The following FHIT variants were observed in gnomAD, a reference collection of about 807,000 sequenced individuals.
FHIT encodes fragile histidine triad diadenosine triphosphatase, also known as bis(5'-adenosyl)-triphosphatase.
Under a neutral mutation model 17.9 loss-of-function variants are expected in FHIT, and 19 were observed. The ratio of observed to expected loss-of-function variants is 1.06; its 90% CI spans 0.74 to 1.56. The LOEUF (loss-of-function observed/expected upper bound fraction) is 1.56, where lower values mean the gene tolerates loss of function less well. Ranked by LOEUF, FHIT falls within the 40% of genes most tolerant of loss-of-function variation. FHIT has a pLI of 0.00. For missense variants in FHIT, 248 were observed against 189.2 expected (o/e 1.31, Z -1.82); for synonymous variants, 81 against 69.7 (o/e 1.16, Z -0.81).
rs577379707 is a variant in FHIT, at chr3:59,792,041, C to T, written c.349-39720G>A. Among the ~76,000 whole-genome samples, 5 of 81,328 alleles carry T rather than the reference C, an allele frequency of 6.1e-5. No homozygotes were observed. In the East Asian group the frequency reaches 5.1e-3, roughly 83 times the overall value. 53.4% of individuals were successfully genotyped at this position (81,328 alleles called of 152,430 possible). On this transcript the variant is annotated intron_variant, in intron 8 of 9. Coordinates refer to ENST00000492590, the MANE Select transcript of FHIT (RefSeq NM_002012.4). ...TAATCATGGCTATGGTAGTCTATGT[C>T]TTGGTTTTAATCATGGCTATGGTAG... is the stretch of plus-strand genomic sequence containing the variant.
At chr3:60,353,578 T>C (rs943917682) in intron 5 of FHIT, among the ~76,000 whole-genome samples, 4 of 152,150 alleles carry the variant, frequency 2.6e-5, no homozygotes, top group Middle Eastern at 3.2e-3. Context: ...GAATACTGCT[T>C]GGCATAGTAG....
chr3:60,260,748 CA>C (rs1367703915), intron 5 of FHIT, among the ~76,000 whole-genome samples: 2 of 151,998 alleles, frequency 1.3e-5, no homozygotes, highest in African/African-American at 4.8e-5. Flanking sequence ...GAGGTTGACA[CA>C]AGGTGCAAAT....
At chr3:59,760,825 A>G (rs1426331223) in intron 8 of FHIT, among the ~76,000 whole-genome samples, 1 of 142,506 alleles carries the variant, frequency 7.0e-6, no homozygotes, top group Non-Finnish European at 1.5e-5. Flanking sequence ...GCCACCATTT[A>G]GAGGTAATTT....
chr3:59,764,913 C>T (rs965896281), intron 8 of FHIT, among the ~76,000 whole-genome samples: 1 of 64,522 alleles, frequency 1.5e-5, no homozygotes, highest in East Asian at 6.7e-4. Context: ...CACACACACA[C>T]ACACACAGCT....
At chr3:60,477,888 T>C (rs2033425280) in intron 5 of FHIT, among the ~76,000 whole-genome samples, 1 of 152,172 alleles carries the variant, frequency 6.6e-6, no homozygotes. Flanking sequence ...ACCCTGTTCA[T>C]AGTACGAATG....
At chr3:61,050,787 T>A (rs534819907) in intron 2 of FHIT, among the ~76,000 whole-genome samples, 76 of 152,308 alleles carry the variant, frequency 5.0e-4, no homozygotes, top group African/African-American at 1.7e-3. Flanking sequence ...CAAGATACAG[T>A]TTTTTAAGGC....
intron 4 of FHIT, among the ~76,000 whole-genome samples, chr3:60,647,688 T>A (rs1553687122): frequency 6.6e-6 from 1 of 152,208 alleles, no homozygotes; most frequent in South Asian, 2.1e-4. Context: ...GGATAACTCT[T>A]CAAGACTCCC....
chr3:60,660,569 G>A (rs2040216693), intron 4 of FHIT, among the ~76,000 whole-genome samples: 2 of 152,030 alleles, frequency 1.3e-5, no homozygotes, highest in East Asian at 1.9e-4. Flanking sequence ...TAGGTGAGGA[G>A]ATACATTCCT....
chr3:59,845,770 C>T (rs1470546392), intron 8 of FHIT, among the ~76,000 whole-genome samples: 1 of 152,122 alleles, frequency 6.6e-6, no homozygotes, highest in Admixed American at 6.6e-5. Context: ...GAGTGTTTGG[C>T]ATGTATCTGT....
At chr3:61,005,659 C>A (rs182776637) in intron 3 of FHIT, among the ~76,000 whole-genome samples, 1 of 152,082 alleles carries the variant, frequency 6.6e-6, no homozygotes, top group African/African-American at 2.4e-5. Context: ...TTTTTCAGAG[C>A]AGGCTGTGTG....
chr3:60,733,131 G>C (rs1358924668), intron 4 of FHIT, among the ~76,000 whole-genome samples: 1 of 152,200 alleles, frequency 6.6e-6, no homozygotes, highest in Non-Finnish European at 1.5e-5. Context: ...CATGATGCTA[G>C]AGAGCAATTA....
intron 8 of FHIT, among the ~76,000 whole-genome samples, chr3:59,792,007 T>C (rs1261170015): frequency 1.4e-5 from 1 of 70,042 alleles, no homozygotes; most frequent in African/African-American, 3.8e-5. Flanking sequence ...GTAGTCTATG[T>C]CTTGGTTTTA....
At chr3:59,832,958 T>G (rs935997953) in intron 8 of FHIT, among the ~76,000 whole-genome samples, 1 of 152,232 alleles carries the variant, frequency 6.6e-6, no homozygotes, top group Non-Finnish European at 1.5e-5. Flanking sequence ...GTTATGATTA[T>G]GTGAGCCAAG....
chr3:60,828,598 G>T (rs1702207001), intron 3 of FHIT, among the ~76,000 whole-genome samples: 2 of 152,148 alleles, frequency 1.3e-5, no homozygotes, highest in Non-Finnish European at 1.5e-5. Context: ...AAAGGAGCAG[G>T]CTAGGCATGG....
At chr3:61,204,275 T>A (rs1033606783) in intron 1 of FHIT, among the ~76,000 whole-genome samples, 1 of 152,002 alleles carries the variant, frequency 6.6e-6, no homozygotes, top group Non-Finnish European at 1.5e-5. Context: ...GTGAGAGGAA[T>A]GGGGGGGCTT....
At chr3:60,620,759 T>A (rs967431857) in intron 4 of FHIT, among the ~76,000 whole-genome samples, 1 of 152,014 alleles carries the variant, frequency 6.6e-6, no homozygotes, top group African/African-American at 2.4e-5. Context: ...TCAAAACCCA[T>A]AGGATGTACA....
At chr3:60,077,557 TG>T (rs1252856060) in intron 5 of FHIT, 1 of 150,530 alleles carries the variant, frequency 6.6e-6, no homozygotes, top group African/African-American at 2.4e-5. Context: ...ACCAAAATTG[TG>T]GGGACAGGTC....
At chr3:60,047,086 T>C (rs1701683541) in intron 5 of FHIT, among the ~76,000 whole-genome samples, 2 of 152,244 alleles carry the variant, frequency 1.3e-5, no homozygotes, top group African/African-American at 4.8e-5. Context: ...AGTGACATTT[T>C]GCTAGGAATT....
At chr3:60,477,976 G>A (rs80147986) in intron 5 of FHIT, among the ~76,000 whole-genome samples, 1,559 of 152,260 alleles carry the variant, frequency 0.01, 12 homozygotes, top group East Asian at 0.031. Context: ...ATAGAGAAGC[G>A]TGGAGATTCT....
Sources: gnomAD v4.1 joint callset for allele counts (sites outside exome capture counted in the v4.1 genomes callset) on GRCh38, gnomAD v4.1.1 for gene constraint, MANE v1.5 for transcripts, NCBI Gene and HGNC (gene_info 2026-07-23, HGNC 2026-07-21) for gene names.